OSBPL8: variants seen among roughly 807,000 people sequenced by gnomAD.
OSBPL8 encodes oxysterol binding protein like 8, also known as oxysterol-binding protein-related protein 8.
OSBPL8 carries 59 observed loss-of-function variants against 125.5 expected under a neutral mutation model. The observed-to-expected ratio is 0.47, with a 90% CI of 0.38 to 0.58. The LOEUF (loss-of-function observed/expected upper bound fraction) is 0.58, where lower values mean the gene tolerates loss of function less well. Among genes scored for constraint, OSBPL8 ranks in the 20% least tolerant of loss-of-function variants. The pLI is 0.00. For synonymous variants in OSBPL8, 330 were observed against 338.9 expected (o/e 0.97, Z 0.29); for missense variants, 758 against 1,047.8 (o/e 0.72, Z 3.82).
chr12:76,440,180 CT>C (rs1409083450), intron 4 of OSBPL8, among the ~76,000 whole-genome samples: 1 of 152,080 alleles, frequency 6.6e-6, no homozygotes, highest in East Asian at 1.9e-4. Context: ...TTAAAAATGA[CT>C]CTCACCCATT....
At chr12:76,514,808 C>T (rs1364388511) in intron 1 of OSBPL8, among the ~76,000 whole-genome samples, 2 of 152,294 alleles carry the variant, frequency 1.3e-5, no homozygotes, top group African/African-American at 4.8e-5. Context: ...TAGATTTAGC[C>T]TCTTTACATA....
At chr12:76,367,271 T>A (rs1232300038) in intron 21 of OSBPL8, among the ~76,000 whole-genome samples, 1 of 151,028 alleles carries the variant, frequency 6.6e-6, no homozygotes, top group Non-Finnish European at 1.5e-5. Context: ...AATTGACCCT[T>A]TTATCAATAC....
intron 1 of OSBPL8, among the ~76,000 whole-genome samples, chr12:76,525,264 AT>A (rs1416770853): frequency 2.0e-5 from 3 of 152,352 alleles, no homozygotes; most frequent in Admixed American, 2.0e-4. Flanking sequence ...ACAGGATAAT[AT>A]TTATATAAAG....
intron 1 of OSBPL8, among the ~76,000 whole-genome samples, chr12:76,492,718 A>G (rs1280513788): frequency 1.3e-5 from 2 of 152,178 alleles, no homozygotes; most frequent in African/African-American, 2.4e-5. Flanking sequence ...CGTACCCTCA[A>G]GATGGACCAT....
intron 4 of OSBPL8, among the ~76,000 whole-genome samples, chr12:76,434,211 T>C (rs1871189527): frequency 6.6e-6 from 1 of 152,064 alleles, no homozygotes; most frequent in African/African-American, 2.4e-5. Flanking sequence ...CACATTATGG[T>C]CAACTGATCT....
chr12:76,488,585 G>C (rs1878401820), intron 1 of OSBPL8, among the ~76,000 whole-genome samples: 1 of 152,054 alleles, frequency 6.6e-6, no homozygotes, highest in South Asian at 2.1e-4. Context: ...TATCTGTTCA[G>C]CAATCTGTGA....
At chr12:76,378,326 T>G in intron 16 of OSBPL8, 126 bp downstream of exon 16, 1 of 649,544 alleles carries the variant, frequency 1.5e-6, no homozygotes, top group South Asian at 2.1e-5. Context: ...ATATCTGTAA[T>G]CCAAGGATGC....
chr12:76,503,684 G>A (rs1880129184), intron 1 of OSBPL8, among the ~76,000 whole-genome samples: 1 of 151,892 alleles, frequency 6.6e-6, no homozygotes, highest in African/African-American at 2.4e-5. Context: ...GACTACAGGT[G>A]CCCGCCACCA....
chr12:76,446,897 G>T (rs1011368620), intron 4 of OSBPL8, among the ~76,000 whole-genome samples: 7 of 152,040 alleles, frequency 4.6e-5, no homozygotes, highest in Non-Finnish European at 1.5e-5. Context: ...AAAAGAATTT[G>T]TCACCACTGG....
intron 1 of OSBPL8, among the ~76,000 whole-genome samples, chr12:76,525,970 G>A (rs993486639): frequency 2.0e-5 from 3 of 152,320 alleles, no homozygotes; most frequent in Middle Eastern, 3.4e-3. Flanking sequence ...GGGAGCACAG[G>A]AGAGCCTACT....
intron 2 of OSBPL8, among the ~76,000 whole-genome samples, chr12:76,467,495 A>T (rs1875601280): frequency 6.6e-6 from 1 of 152,270 alleles, no homozygotes; most frequent in South Asian, 2.1e-4. Context: ...TATCAGAGAT[A>T]GTAATCAGCT....
intron 4 of OSBPL8, among the ~76,000 whole-genome samples, chr12:76,411,614 A>G (rs751381106): frequency 1.3e-5 from 2 of 152,062 alleles, no homozygotes; most frequent in African/African-American, 4.8e-5. Context: ...TCTTAATCAG[A>G]TATTTTACTG....
intron 4 of OSBPL8, among the ~76,000 whole-genome samples, chr12:76,450,101 C>G (rs1873204158): frequency 6.6e-6 from 1 of 152,178 alleles, no homozygotes; most frequent in South Asian, 2.1e-4. Flanking sequence ...TTTGCAAAAA[C>G]CGCCAAAAAG....
At position 76,394,782 on chromosome 12, in the gene OSBPL8, T is replaced by G. The variant is rs1953723141; in HGVS notation, c.673-53A>C. The G allele has an allele frequency of 2.4e-6, 3 of 1,263,916 alleles. No homozygotes were observed. In the Admixed American group the frequency reaches 6.1e-5, roughly 26 times the overall value. 78.3% of individuals were successfully genotyped at this position (1,263,916 alleles called of 1,614,324 possible). Reference sequence around the variant, plus strand: ...GGTATAGAGTAATTATTATGAGATCTCATCTTTACACTATCCAATATTATC... The same window carrying G: ...GGTATAGAGTAATTATTATGAGATCGCATCTTTACACTATCCAATATTATC... On this transcript the variant is annotated intron_variant, in intron 8 of 23. Transcript: ENST00000261183.
intron 1 of OSBPL8, among the ~76,000 whole-genome samples, chr12:76,500,326 C>T (rs1879770491): frequency 6.6e-6 from 1 of 152,168 alleles, no homozygotes; most frequent in African/African-American, 2.4e-5. Flanking sequence ...CATGCCTTTG[C>T]CTGCATTCTT....
At chr12:76,520,480 A>T (rs1373531617) in intron 1 of OSBPL8, among the ~76,000 whole-genome samples, 2 of 152,206 alleles carry the variant, frequency 1.3e-5, no homozygotes, top group Non-Finnish European at 2.9e-5. Context: ...AAAGTGTACA[A>T]CACACACATG....
intron 21 of OSBPL8, among the ~76,000 whole-genome samples, chr12:76,360,398 T>A (rs2136137383): frequency 6.6e-6 from 1 of 152,332 alleles, no homozygotes; most frequent in African/African-American, 2.4e-5. Flanking sequence ...AGCTCCACCC[T>A]TGTGGCTCTG....
At chr12:76,546,894 T>A (rs1030481527) in intron 1 of OSBPL8, among the ~76,000 whole-genome samples, 1 of 152,120 alleles carries the variant, frequency 6.6e-6, no homozygotes. Flanking sequence ...TTAAAAAAAA[T>A]GTAAAGGGGC....
intron 4 of OSBPL8, among the ~76,000 whole-genome samples, chr12:76,438,215 T>C (rs943887322): frequency 5.1e-4 from 78 of 152,166 alleles, no homozygotes; most frequent in African/African-American, 1.6e-3. Flanking sequence ...CTCGATCTCC[T>C]GACCTCATGA....
Sources: gnomAD v4.1 joint callset for allele counts (sites outside exome capture counted in the v4.1 genomes callset) on GRCh38, gnomAD v4.1.1 for gene constraint, MANE v1.5 for transcripts, NCBI Gene and HGNC (gene_info 2026-07-23, HGNC 2026-07-21) for gene names.